CEP95: variants seen among roughly 807,000 people sequenced by gnomAD.
CEP95 encodes centrosomal protein 95, also known as centrosomal protein of 95 kDa.
A neutral mutation model predicts 111.2 loss-of-function variants in CEP95; 98 were observed. That is an observed-to-expected ratio of 0.88 (90% confidence interval 0.75 to 1.04). The LOEUF is 1.04. Among genes scored for constraint, CEP95 ranks in the 50% least tolerant of loss-of-function variants. The probability of loss-of-function intolerance (pLI) is 0.00; values close to 1 mark genes in which losing one functional copy is unlikely to be tolerated. For missense variants in CEP95, 1,027 were observed against 977.2 expected (o/e 1.05, Z -0.68); for synonymous variants, 323 against 327.1 (o/e 0.99, Z 0.14).
At chr17:64,510,046 T>C (rs2038809552) in intron 2 of CEP95, 127 bp from the exon 3 acceptor site, 2 of 634,792 alleles carry the variant, frequency 3.2e-6, no homozygotes, top group Admixed American at 2.6e-5. Flanking sequence ...ATCTGTACTT[T>C]ACAGCATGTT....
intron 2 of CEP95, among the ~76,000 whole-genome samples, chr17:64,509,946 C>T (rs2038802596): frequency 6.6e-6 from 1 of 151,894 alleles, no homozygotes; most frequent in Admixed American, 6.6e-5. Flanking sequence ...CAACCGTATT[C>T]AACCAGTCTA....
chr17:64,527,259 G>T lies in CEP95; in HGVS notation c.1301G>T (p.Arg434Met), dbSNP rs782172808. The change falls in exon 11 of 20, where the codon AGG becomes ATG. Residue 434 changes from arginine to methionine, a missense_variant. Coordinates refer to ENST00000556440, the MANE Select transcript of CEP95 (RefSeq NM_138363.3). ...GIVEYGPKKS[R>M]PGLSMRRKPP... Reference sequence around the variant, plus strand: ...GTGGAGTATGGGCCAAAGAAGTCAAGGCCAGGTACTTACCCCAGAGAGACT... The same window carrying T: ...GTGGAGTATGGGCCAAAGAAGTCAATGCCAGGTACTTACCCCAGAGAGACT... The T allele has an allele frequency of 1.9e-6, 3 of 1,609,490 alleles. No homozygotes were observed. In the South Asian group the frequency reaches 3.3e-5, roughly 18 times the overall value.
Position 64,506,995 on chromosome 17 carries a change from C to G in CEP95, c.-103C>G. The G allele has an allele frequency of 2.2e-6, 3 of 1,354,480 alleles. No individual in the cohort carries two copies. The highest frequency in any genetic ancestry group is 3.1e-6 in the Non-Finnish European group (3 of 968,272). 83.9% of individuals were successfully genotyped at this position (1,354,480 alleles called of 1,614,324 possible). On this transcript the variant is annotated 5_prime_UTR_variant, in exon 1 of 20. Transcript: ENST00000556440. The stretch of plus-strand genomic sequence containing the variant: ...ACGCCTCCTTCCCCGCGCTTTGGTT[C>G]GTGCGTCCGCGCCCCAGTGTCGGGT...
chr17:64,531,222 GA>G (rs1968256191), intron 13 of CEP95: 1 of 384,964 alleles, frequency 2.6e-6, no homozygotes, highest in African/African-American at 2.1e-5. Context: ...TGGTTCCAAA[GA>G]AAAGTAGTGT....
intron 5 of CEP95, among the ~76,000 whole-genome samples, chr17:64,517,975 C>T (rs1330756635): frequency 8.5e-5 from 13 of 152,070 alleles, no homozygotes; most frequent in South Asian, 2.1e-4. Context: ...CTCCCGGTTT[C>T]GAGTGATTCT....
chr17:64,509,556 A>G (rs2038775626), intron 2 of CEP95, among the ~76,000 whole-genome samples: 1 of 152,326 alleles, frequency 6.6e-6, no homozygotes, highest in East Asian at 1.9e-4. Context: ...ATAGTGGTGC[A>G]CGCCTATAAA....
At chr17:64,508,150 G>A (rs1245478499) in intron 1 of CEP95, 1 of 985,228 alleles carries the variant, frequency 1.0e-6, no homozygotes, top group Non-Finnish European at 1.2e-6. Flanking sequence ...CAAGATAATT[G>A]GGTAAACACA....
At chr17:64,518,404 T>TC (rs1967042057) in intron 5 of CEP95, among the ~76,000 whole-genome samples, 1 of 152,200 alleles carries the variant, frequency 6.6e-6, no homozygotes, top group Non-Finnish European at 1.5e-5. Context: ...CAGACTGTTT[T>TC]CCAAAAAGGC....
At position 64,519,417 on chromosome 17, in the gene CEP95, C is replaced by T. The variant is rs782017181; in HGVS notation, c.570C>T (p.Thr190=). ...EIIRLGDTAH[T]FSLRSNGAQC... is the part of the protein sequence containing the mutation. ...TTAGACTTGGAGACACAGCACACACCTTTTCTCTAAGAAGTAATGGTGAGT... is the reference window on the plus strand; with the variant it reads ...TTAGACTTGGAGACACAGCACACACTTTTTCTCTAAGAAGTAATGGTGAGT... Residue 190 remains threonine, a synonymous_variant, in exon 6 of 20, where the codon ACC becomes ACT. Coordinates refer to ENST00000556440, the MANE Select transcript of CEP95 (RefSeq NM_138363.3). 2 of 1,612,724 alleles carry T rather than the reference C, an allele frequency of 1.2e-6. No homozygotes were observed. Among genetic ancestry groups the T allele is most frequent in the East Asian group, 4.5e-5 (2 of 44,874 alleles).
At chr17:64,509,417 C>T (rs1400055384) in intron 2 of CEP95, among the ~76,000 whole-genome samples, 15 of 152,190 alleles carry the variant, frequency 9.9e-5, no homozygotes. Context: ...TGGCTCACAC[C>T]TCTAATCCCA....
intron 3 of CEP95, among the ~76,000 whole-genome samples, chr17:64,512,694 T>C (rs2038958141): frequency 6.6e-6 from 1 of 152,146 alleles, no homozygotes; most frequent in Non-Finnish European, 1.5e-5. Flanking sequence ...CAAGAACAAA[T>C]TTTTGCGAAG....
chr17:64,512,424 G>T (rs1568125366), intron 3 of CEP95, among the ~76,000 whole-genome samples: 3 of 152,090 alleles, frequency 2.0e-5, no homozygotes, highest in African/African-American at 7.2e-5. Context: ...CCAAAATAAA[G>T]TATACTATAC....
At chr17:64,516,016 A>G (rs1296863639) in intron 4 of CEP95, 2 of 152,186 alleles carry the variant, frequency 1.3e-5, no homozygotes, top group African/African-American at 4.8e-5. Context: ...AAGTAAGTAG[A>G]TGTGTGTAAA....
rs781801781 is a variant in CEP95 at position 64,514,278 on chromosome 17, C to A, written c.287C>A (p.Ser96Tyr). 1.0e-5 allele frequency: 15 copies of A among 1,471,386 alleles called. No homozygotes were observed. The highest frequency in any genetic ancestry group is 1.4e-5 in the Non-Finnish European group (15 of 1,074,974). The allele number at this position is 1,471,386 out of a possible 1,614,324, so 91.1% of individuals were successfully genotyped here. Reference protein sequence around the residue: ...GENIVKGDKESIKNLLEIFDG... With the variant: ...GENIVKGDKEYIKNLLEIFDG... ...AATATAGTGAAAGGAGATAAAGAAT[C>A]TATTAAGAATCTCCTGGAAATATTT... Residue 96 changes from serine to tyrosine, a missense_variant, in exon 4 of 20, where the codon TCT (serine) becomes TAT (tyrosine). Physicochemically the swap from Ser to Tyr is moderately radical, Grantham distance 144. Coordinates refer to ENST00000556440, the MANE Select transcript of CEP95 (RefSeq NM_138363.3).
At chr17:64,532,149 A>G (rs1482559397) in intron 14 of CEP95, 127 bp downstream of exon 14, 4 of 1,368,642 alleles carry the variant, frequency 2.9e-6, no homozygotes, top group Non-Finnish European at 2.8e-6. Flanking sequence ...TTTTTTTCCC[A>G]ATCACTGCCA....
intron 17 of CEP95, 78 bp from the exon 18 acceptor site, chr17:64,536,524 A>G: frequency 9.8e-7 from 1 of 1,015,632 alleles, no homozygotes; most frequent in Non-Finnish European, 1.4e-6. Flanking sequence ...AAACCTTGGG[A>G]AATACAATCA....
chr17:64,506,961 C>T (rs983655110), upstream of CEP95: 3 of 919,492 alleles, frequency 3.3e-6, no homozygotes, highest in South Asian at 1.4e-5. Flanking sequence ...TAACGTCCGT[C>T]CTTCTTTCAC....
At chr17:64,532,493 G>A (rs1968349129) in intron 14 of CEP95, 1 of 985,342 alleles carries the variant, frequency 1.0e-6, no homozygotes, top group South Asian at 4.7e-5. Flanking sequence ...CTATCCTTTA[G>A]ACCAGAAACT....
At chr17:64,522,605 G>A (rs1371948715) in intron 7 of CEP95, 97 bp from the exon 8 acceptor site, 7 of 719,718 alleles carry the variant, frequency 9.7e-6, no homozygotes, top group East Asian at 2.8e-5. Context: ...TATTTCTAAT[G>A]TATGTGAACA....
Sources: allele counts gnomAD v4.1 joint callset (sites outside exome capture counted in the v4.1 genomes callset), GRCh38; gene constraint gnomAD v4.1.1; transcripts MANE v1.5; gene names NCBI Gene and HGNC (gene_info 2026-07-23, HGNC 2026-07-21).